EFHC2: variants seen among roughly 807,000 people sequenced by gnomAD.
EFHC2 encodes the protein EF-hand domain containing 2, also known as EF-hand domain-containing family member C2.
Under a neutral mutation model 52.7 loss-of-function variants are expected in EFHC2, and 18 were observed. The ratio of observed to expected loss-of-function variants is 0.34; its 90% CI spans 0.24 to 0.51. The LOEUF is 0.51. Among genes scored for constraint, EFHC2 ranks in the 20% least tolerant of loss-of-function variants. EFHC2 has a pLI of 0.97. For missense variants in EFHC2, 513 were observed against 562.5 expected (o/e 0.91, Z 0.89); for synonymous variants, 203 against 204.1 (o/e 0.99, Z 0.04).
intron 14 of EFHC2, among the ~76,000 whole-genome samples, chrX:44,151,333 G>A (rs752001634): frequency 3.6e-5 from 4 of 111,883 alleles, no homozygotes; most frequent in African/African-American, 9.7e-5. Flanking sequence ...TGGGGCTGCC[G>A]TAACAAAGTA....
intron 3 of EFHC2, among the ~76,000 whole-genome samples, chrX:44,265,109 G>T (rs1602185497): frequency 9.0e-6 from 1 of 111,402 alleles, no homozygotes; most frequent in African/African-American, 3.3e-5. Flanking sequence ...ACATTTCCCT[G>T]TGGTTTAGAT....
intron 2 of EFHC2, among the ~76,000 whole-genome samples, chrX:44,280,775 T>C (rs1274392660): frequency 8.9e-6 from 1 of 112,216 alleles, no homozygotes; most frequent in Non-Finnish European, 1.9e-5. Flanking sequence ...AAAAACTCTG[T>C]GACCCAGATA....
intron 1 of EFHC2, among the ~76,000 whole-genome samples, chrX:44,339,118 G>A (rs982156397): frequency 1.8e-5 from 2 of 110,316 alleles, no homozygotes; most frequent in African/African-American, 6.7e-5. Flanking sequence ...TTGAACCTGG[G>A]AGGCAGAGGT....
chrX:44,264,145 G>T (rs1364456788), intron 3 of EFHC2, among the ~76,000 whole-genome samples: 1 of 112,171 alleles, frequency 8.9e-6, no homozygotes, highest in Non-Finnish European at 1.9e-5. Context: ...GGCAGTAAAA[G>T]ATCTTGAAGT....
At chrX:44,329,607 A>AT (rs200198873) in intron 1 of EFHC2, among the ~76,000 whole-genome samples, 36,335 of 102,413 alleles carry the variant, frequency 0.35, 5,122 homozygotes, top group South Asian at 0.44. Context: ...GGATCACAGA[A>AT]TTTTTTTTTT....
intron 11 of EFHC2, among the ~76,000 whole-genome samples, chrX:44,193,042 C>T (rs1010407327): frequency 4.5e-5 from 5 of 110,906 alleles, no homozygotes; most frequent in Non-Finnish European, 7.5e-5. Flanking sequence ...ACTGATAGAA[C>T]AGACTTTTTA....
chrX:44,290,472 G>C (rs1362503402), intron 2 of EFHC2, among the ~76,000 whole-genome samples: 1 of 105,790 alleles, frequency 9.5e-6, no homozygotes, highest in Non-Finnish European at 1.9e-5. Context: ...TGAATACTAT[G>C]TTCTCCATTT....
rs899170572 is a variant in EFHC2 at position 44,148,192 on chromosome X, T to C, written c.*603A>G. On this transcript the variant is annotated 3_prime_UTR_variant, in exon 15 of 15. Transcript: ENST00000420999. ...TAGATAGAAAAAAGGGCATTACAAATATAAATACTGCATATGTTTCCAGTG... is the reference window on the plus strand; with the variant it reads ...TAGATAGAAAAAAGGGCATTACAAACATAAATACTGCATATGTTTCCAGTG... 5 of 108,779 alleles carry C rather than the reference T, an allele frequency of 4.6e-5. No homozygotes were observed. The highest frequency in any genetic ancestry group is 1.3e-4 in the African/African-American group (4 of 29,752). The allele number at this position is 108,779 out of a possible 1,213,427, so 9.0% of individuals were successfully genotyped here.
At chrX:44,341,475 G>A (rs2038151384) in intron 1 of EFHC2, among the ~76,000 whole-genome samples, 1 of 112,384 alleles carries the variant, frequency 8.9e-6, no homozygotes, top group South Asian at 3.6e-4. Flanking sequence ...TTGAGACAGG[G>A]TCTGGCTCTG....
intron 11 of EFHC2, among the ~76,000 whole-genome samples, chrX:44,185,693 C>T (rs147194985): frequency 0.012 from 1,291 of 110,367 alleles, 23 homozygotes; most frequent in African/African-American, 0.04. Flanking sequence ...TGCACTACCA[C>T]GCTTGGCTAA....
chrX:44,240,021 A>G (rs1392315868), intron 8 of EFHC2, among the ~76,000 whole-genome samples: 2 of 112,247 alleles, frequency 1.8e-5, no homozygotes, highest in African/African-American at 6.5e-5. Context: ...TCATAATAAT[A>G]GCACCAAGTA....
chrX:44,176,198 T>C, intron 13 of EFHC2, 94 bp downstream of exon 13: 1 of 683,029 alleles, frequency 1.5e-6, no homozygotes, highest in Non-Finnish European at 2.2e-6. Context: ...TAAGGGTAAA[T>C]CAAGGGTAAT....
chrX:44,340,642 G>C (rs775450432), intron 1 of EFHC2, among the ~76,000 whole-genome samples: 61 of 111,350 alleles, frequency 5.5e-4, no homozygotes, highest in African/African-American at 1.8e-3. Context: ...CTGGGCAACA[G>C]AGCAAGACTC....
chrX:44,210,470 G>T (rs1887758990), intron 11 of EFHC2, among the ~76,000 whole-genome samples: 2 of 112,284 alleles, frequency 1.8e-5, no homozygotes, highest in African/African-American at 6.5e-5. Context: ...TGCGGTATTG[G>T]TATCAAAATG....
chrX:44,331,402 C>A (rs924375776), intron 1 of EFHC2, among the ~76,000 whole-genome samples: 67 of 111,458 alleles, frequency 6.0e-4, no homozygotes, highest in African/African-American at 2.2e-3. Flanking sequence ...TGGAAGGGAG[C>A]GAGGTGTGGT....
intron 2 of EFHC2, among the ~76,000 whole-genome samples, chrX:44,288,067 A>G (rs2037765876): frequency 8.9e-6 from 1 of 112,169 alleles, no homozygotes; most frequent in Admixed American, 9.5e-5. Flanking sequence ...AAACCCAAAC[A>G]AAATAAAAGC....
intron 11 of EFHC2, among the ~76,000 whole-genome samples, chrX:44,220,566 T>C (rs745960695): frequency 6.3e-5 from 7 of 111,586 alleles, no homozygotes; most frequent in Non-Finnish European, 1.1e-4. Flanking sequence ...TTGGTTTAAT[T>C]CCCTGAGGTT....
intron 3 of EFHC2, among the ~76,000 whole-genome samples, chrX:44,262,512 C>CAAAAAAAAAAAAAAAAA (rs749239313): frequency 3.1e-4 from 9 of 29,186 alleles, no homozygotes; most frequent in South Asian, 2.8e-3. Flanking sequence ...AGCCCTGTCT[C>CAAAAAAAAAAAAAAAAA]AAAAAAAAAA....
At chrX:44,277,089 C>T (rs1028575060) in intron 2 of EFHC2, among the ~76,000 whole-genome samples, 21 of 109,736 alleles carry the variant, frequency 1.9e-4, no homozygotes, top group African/African-American at 7.0e-4. Context: ...GAAACGCTGT[C>T]TCTACTAAAA....
Sources: gnomAD v4.1 joint callset for allele counts (sites outside exome capture counted in the v4.1 genomes callset) on GRCh38, gnomAD v4.1.1 for gene constraint, MANE v1.5 for transcripts, NCBI Gene and HGNC (gene_info 2026-07-23, HGNC 2026-07-21) for gene names.